ALDH5A1: variants seen among roughly 807,000 people sequenced by gnomAD.
ALDH5A1 encodes succinate-semialdehyde dehydrogenase, mitochondrial.
Under a neutral mutation model 54.7 loss-of-function variants are expected in ALDH5A1, and 33 were observed. The ratio of observed to expected loss-of-function variants is 0.60; its 90% CI spans 0.46 to 0.81. The LOEUF is 0.81. Among genes scored for constraint, ALDH5A1 ranks in the 30% least tolerant of loss-of-function variants. ALDH5A1 has a pLI of 0.00. For synonymous variants in ALDH5A1, 294 were observed against 292.7 expected (o/e 1.00, Z -0.05); for missense variants, 657 against 711.0 (o/e 0.92, Z 0.86).
intron 1 of ALDH5A1, 125 bp downstream of exon 1, chr6:24,495,475 C>T (rs899851732): frequency 1.0e-6 from 1 of 964,506 alleles, no homozygotes; most frequent in Non-Finnish European, 1.5e-6. Flanking sequence ...CCAGGGTATA[C>T]AAAGTGGAAA....
At chr6:24,522,460 CTTTT>C (rs934885918) in intron 6 of ALDH5A1, among the ~76,000 whole-genome samples, 1 of 90,584 alleles carries the variant, frequency 1.1e-5, no homozygotes, top group Non-Finnish European at 3.0e-5. Context: ...GATTGGGTGG[CTTTT>C]TTTTCTTTTC....
intron 5 of ALDH5A1, among the ~76,000 whole-genome samples, chr6:24,516,086 C>T (rs959988826): frequency 6.6e-6 from 1 of 151,862 alleles, no homozygotes; most frequent in Non-Finnish European, 1.5e-5. Context: ...ATGAAATGTT[C>T]TTTGCTAAAA....
chr6:24,526,953 AATATATATATATGTGTGTGTGTATAT>A (rs1468163503), intron 7 of ALDH5A1, among the ~76,000 whole-genome samples: 25 of 106,016 alleles, frequency 2.4e-4, no homozygotes, highest in African/African-American at 7.9e-4. Flanking sequence ...ATATATATCT[AATATATATATATGTGTGTGTGTATAT>A]ATATATATAT....
chr6:24,499,901 C>T (rs12190816), intron 1 of ALDH5A1, among the ~76,000 whole-genome samples: 30,184 of 151,934 alleles, frequency 0.2, 3,347 homozygotes, highest in Non-Finnish European at 0.25. Context: ...CCTCATGATC[C>T]GCCCGCCTCG....
chr6:24,502,652 A>G, intron 2 of ALDH5A1, 46 bp downstream of exon 2: 6 of 1,478,072 alleles, frequency 4.1e-6, no homozygotes, highest in Non-Finnish European at 5.7e-6. Context: ...TTCTCCAGGA[A>G]TTTTTACACT....
rs1008746408 is a variant in ALDH5A1, at chr6:24,536,679, G to A, written c.*2967G>A. The stretch of plus-strand genomic sequence containing the variant: ...TGATAATGTACATGAAATTAGCCAC[G>A]TAACAAGAGTCTATTTGCCTTGAAA... On this transcript the variant is annotated 3_prime_UTR_variant, in exon 10 of 10. Transcript: ENST00000357578. The A allele has an allele frequency of 3.3e-5, 5 of 152,196 alleles. No individual in the cohort carries two copies. The highest frequency in any genetic ancestry group is 6.5e-5 in the Admixed American group (1 of 15,274). 9.4% of individuals were successfully genotyped at this position (152,196 alleles called of 1,614,324 possible). A position where few individuals can be genotyped will look rare whatever the true frequency, so the allele number is the denominator to read the frequency against.
intron 5 of ALDH5A1, among the ~76,000 whole-genome samples, chr6:24,519,386 G>A (rs576923227): frequency 6.6e-6 from 1 of 152,182 alleles, no homozygotes; most frequent in South Asian, 2.1e-4. Context: ...CCAACATGAC[G>A]AAACCCCATC....
rs1450810452 is a variant in ALDH5A1, at chr6:24,528,173, T to A, written c.1343+7T>A. 1 of 1,613,588 alleles carries A rather than the reference T, an allele frequency of 6.2e-7. No homozygotes were observed. The highest frequency in any genetic ancestry group is 1.7e-5 in the Admixed American group (1 of 59,994). On this transcript the variant is annotated splice_region_variant and intron_variant, in intron 8 of 9. Transcript: ENST00000357578. ...CTCTGGCACCAGTTATCAAGTAAGA[T>A]CCTCCAGCCAGCGGGGAGATGGGAG...
intron 1 of ALDH5A1, among the ~76,000 whole-genome samples, chr6:24,499,492 T>C (rs954042383): frequency 6.6e-6 from 1 of 152,012 alleles, no homozygotes; most frequent in African/African-American, 2.4e-5. Flanking sequence ...TCTTCCTTTT[T>C]TCTTTTCTTT....
At chr6:24,520,347 A>G in intron 5 of ALDH5A1, 54 bp from the exon 6 acceptor site, 1 of 1,611,154 alleles carries the variant, frequency 6.2e-7, no homozygotes, top group Non-Finnish European at 8.5e-7. Context: ...ACAAAGGCTT[A>G]ACAATCCTGG....
rs549807653 is a variant in ALDH5A1 at position 24,528,189 on chromosome 6, G to T, written c.1343+23G>T. The stretch of plus-strand genomic sequence containing the variant: ...CAAGTAAGATCCTCCAGCCAGCGGG[G>T]AGATGGGAGGAAGAATAGAAGAGAA... On this transcript the variant is annotated intron_variant, in intron 8 of 9. Transcript: ENST00000357578. The T allele has an allele frequency of 5.6e-6, 9 of 1,613,100 alleles. No homozygotes were observed. The East Asian group carries it at 1.6e-4, about 28-fold the overall frequency.
intron 1 of ALDH5A1, among the ~76,000 whole-genome samples, chr6:24,497,756 G>A (rs1317934653): frequency 6.6e-6 from 1 of 152,206 alleles, no homozygotes; most frequent in Non-Finnish European, 1.5e-5. Context: ...GGGGAAGAGT[G>A]GGTGGAACAT....
chr6:24,526,972 GTGTATATATA>G (rs1265779656), intron 7 of ALDH5A1, among the ~76,000 whole-genome samples: 15 of 8,358 alleles, frequency 1.8e-3, no homozygotes, highest in Admixed American at 3.8e-3. Flanking sequence ...ATATGTGTGT[GTGTATATATA>G]TATATATATA....
chr6:24,526,903 AC>A (rs1278309338), intron 7 of ALDH5A1, among the ~76,000 whole-genome samples: 759 of 61,830 alleles, frequency 0.012, 24 homozygotes, highest in African/African-American at 0.027. Flanking sequence ...ATATATATCT[AC>A]TATATATATA....
chr6:24,495,422 A>G (rs1764679424), intron 1 of ALDH5A1, 72 bp downstream of exon 1: 4 of 1,427,090 alleles, frequency 2.8e-6, no homozygotes, highest in South Asian at 2.5e-5. Flanking sequence ...GCTTTACCCC[A>G]AAGTGACACC....
intron 6 of ALDH5A1, 200 bp from the exon 7 acceptor site, chr6:24,522,567 G>A: frequency 9.5e-6 from 5 of 526,866 alleles, no homozygotes; most frequent in Non-Finnish European, 1.7e-5. Flanking sequence ...CAGCTGTGGA[G>A]GGAACTGGAG....
chr6:24,526,917 C>CTATA (rs3032298), intron 7 of ALDH5A1, among the ~76,000 whole-genome samples: 59 of 100,726 alleles, frequency 5.9e-4, no homozygotes, highest in South Asian at 9.0e-4. Context: ...TATATATATT[C>CTATA]TATATATATC....
intron 7 of ALDH5A1, among the ~76,000 whole-genome samples, chr6:24,527,369 C>G (rs997782422): frequency 6.6e-6 from 1 of 152,086 alleles, no homozygotes; most frequent in Admixed American, 6.6e-5. Flanking sequence ...GTCAGGAGTT[C>G]GAGACCAGCC....
chr6:24,515,166 G>C lies in ALDH5A1; in HGVS notation c.727-1G>C, dbSNP rs1759543570. 6.6e-7 allele frequency: 1 copy of C among 1,504,352 alleles called. No individual in the cohort carries two copies. Among genetic ancestry groups the C allele is most frequent in the Admixed American group, 1.9e-5 (1 of 52,914 alleles). 93.2% of individuals were successfully genotyped at this position (1,504,352 alleles called of 1,614,324 possible). On this transcript the variant is annotated splice_acceptor_variant, in intron 4 of 9. Coordinates refer to ENST00000357578, the MANE Select transcript of ALDH5A1 (RefSeq NM_001080.3). LOFTEE classifies it high-confidence loss of function. ...CACATGTTTGCTGTTTCTCTTTATAGCTTGCAAGCCAGGCTGGGATTCCTT... is the reference window on the plus strand; with the variant it reads ...CACATGTTTGCTGTTTCTCTTTATACCTTGCAAGCCAGGCTGGGATTCCTT...
Sources: gnomAD v4.1 joint callset for allele counts (sites outside exome capture counted in the v4.1 genomes callset) on GRCh38, gnomAD v4.1.1 for gene constraint, MANE v1.5 for transcripts, NCBI Gene and HGNC (gene_info 2026-07-23, HGNC 2026-07-21) for gene names.